The following ZFHX3 variants were observed in gnomAD, a reference collection of about 807,000 sequenced individuals.
ZFHX3 encodes the protein zinc finger homeobox protein 3.
Under a neutral mutation model 279.1 loss-of-function variants are expected in ZFHX3, and 42 were observed. The ratio of observed to expected loss-of-function variants is 0.15; its 90% CI spans 0.12 to 0.19. ZFHX3 has a LOEUF of 0.19. Ranked by LOEUF, ZFHX3 falls within the 10% of genes least tolerant of loss-of-function variation. ZFHX3 has a pLI of 1.00. For synonymous variants in ZFHX3, 2,293 were observed against 1,957.8 expected (o/e 1.17, Z -4.52); for missense variants, 4,981 against 4,754.0 (o/e 1.05, Z -1.40).
At chr16:73,546,628 T>C (rs2020112380) in intron 2 of ZFHX3, among the ~76,000 whole-genome samples, 1 of 151,830 alleles carries the variant, frequency 6.6e-6, no homozygotes, top group African/African-American at 2.4e-5. Context: ...GGAAGGGTCC[T>C]CGCTTTAAGC....
rs551031272 is a variant in ZFHX3, at chr16:73,545,546, G to A, written c.-1546-89288C>T. 7.2e-5 allele frequency among the ~76,000 whole-genome samples: 11 copies of A among 152,132 alleles called. No homozygotes were observed. In the South Asian group the frequency reaches 1.2e-3, roughly 17 times the overall value. Reference sequence around the variant, plus strand: ...CATGCAAAAGGATAATTTATTGGCCGCACAGCCTCTGAAGTTGAATTTTTA... The same window carrying A: ...CATGCAAAAGGATAATTTATTGGCCACACAGCCTCTGAAGTTGAATTTTTA... On this transcript the variant is annotated intron_variant, in intron 2 of 17. Transcript: ENST00000641206.
At chr16:73,568,750 G>A (rs1020053273) in intron 2 of ZFHX3, among the ~76,000 whole-genome samples, 5 of 152,268 alleles carry the variant, frequency 3.3e-5, no homozygotes, top group Non-Finnish European at 7.4e-5. Flanking sequence ...TGGCTTCAGA[G>A]CTTCCGGGGT....
intron 3 of ZFHX3, among the ~76,000 whole-genome samples, chr16:73,341,174 C>G (rs2016026056): frequency 6.6e-6 from 1 of 152,010 alleles, no homozygotes; most frequent in Admixed American, 6.6e-5. Context: ...AACCCAGTCT[C>G]TACTAAAAAT....
chr16:73,212,591 C>T (rs189263231), intron 5 of ZFHX3, among the ~76,000 whole-genome samples: 151 of 152,326 alleles, frequency 9.9e-4, no homozygotes, highest in African/African-American at 3.4e-3. Flanking sequence ...AATGGTCACA[C>T]GTGTGTGGAG....
chr16:73,383,480 G>GA (rs1378977207), intron 3 of ZFHX3, among the ~76,000 whole-genome samples: 1 of 152,204 alleles, frequency 6.6e-6, no homozygotes, highest in East Asian at 1.9e-4. Flanking sequence ...GGAGAAAAAT[G>GA]AAAGAACGCA....
intron 5 of ZFHX3, among the ~76,000 whole-genome samples, chr16:73,248,310 T>A (rs769037602): frequency 2.0e-5 from 3 of 151,948 alleles, no homozygotes; most frequent in Non-Finnish European, 4.4e-5. Flanking sequence ...GATATGTGTG[T>A]GTGTATAAGG....
At chr16:73,218,076 G>A (rs535320364) in intron 5 of ZFHX3, among the ~76,000 whole-genome samples, 1 of 151,966 alleles carries the variant, frequency 6.6e-6, no homozygotes, top group Non-Finnish European at 1.5e-5. Context: ...AAACCTAACG[G>A]GCCTTCAGTG....
At chr16:73,217,845 T>C (rs1468386367) in intron 5 of ZFHX3, among the ~76,000 whole-genome samples, 2 of 151,980 alleles carry the variant, frequency 1.3e-5, no homozygotes, top group Non-Finnish European at 2.9e-5. Flanking sequence ...TCCAGACTTC[T>C]CTTTGCACAC....
In ZFHX3 at chr16:73,782,565, TGTA is replaced by T. The variant is rs543725081; in HGVS notation, c.-1607-102328_-1607-102326del. On this transcript the variant is annotated intron_variant, in intron 1 of 17. Coordinates refer to the ZFHX3 transcript ENST00000641206. Reference sequence around the variant, plus strand: ...AGAACATGAATATCCTTGAGTGAAGTGTAGTAGAAGCATGGGCTGCCCACTGAT... The same window carrying T: ...AGAACATGAATATCCTTGAGTGAAGTGTAGAAGCATGGGCTGCCCACTGAT... Among the ~76,000 whole-genome samples the T allele has an allele frequency of 6.2e-4, 95 of 152,252 alleles. 1 individual carries two copies. Among genetic ancestry groups the T allele is most frequent in the African/African-American group, 2.3e-3 (94 of 41,554 alleles).
Position 73,382,964 on chromosome 16 carries a change from G to C in ZFHX3, c.-1290-64628C>G, listed in dbSNP as rs563633715. On this transcript the variant is annotated intron_variant, in intron 3 of 17. Transcript: ENST00000641206. Reference sequence around the variant, plus strand: ...AGACCTGTTGCAGTCTGAAGGAACCGGTGAATTCTTAGTTAAATGAGGCAG... The same window carrying C: ...AGACCTGTTGCAGTCTGAAGGAACCCGTGAATTCTTAGTTAAATGAGGCAG... 9.9e-5 allele frequency among the ~76,000 whole-genome samples: 15 copies of C among 152,258 alleles called. No homozygotes were observed. In the South Asian group the frequency reaches 1.5e-3, roughly 15 times the overall value.
chr16:73,833,382 T>C (rs11861363), intron 1 of ZFHX3, among the ~76,000 whole-genome samples: 2,789 of 152,266 alleles, frequency 0.018, 95 homozygotes, highest in African/African-American at 0.063. Context: ...GAATAAGTTA[T>C]CAATTCCTTG....
chr16:73,545,203 A>G (rs1596990203), intron 2 of ZFHX3, among the ~76,000 whole-genome samples: 1 of 152,126 alleles, frequency 6.6e-6, no homozygotes, highest in Non-Finnish European at 1.5e-5. Context: ...GACCCCCATA[A>G]TGACATCCAG....
intron 1 of ZFHX3, among the ~76,000 whole-genome samples, chr16:73,814,344 C>T (rs1385342377): frequency 6.6e-6 from 1 of 151,898 alleles, no homozygotes; most frequent in South Asian, 2.1e-4. Context: ...AAAATTAAAA[C>T]AAAACAAGAC....
intron 2 of ZFHX3, among the ~76,000 whole-genome samples, chr16:73,543,508 T>C (rs532625740): frequency 1.4e-4 from 21 of 152,102 alleles, no homozygotes; most frequent in Admixed American, 3.9e-4. Context: ...TAGAAACCCC[T>C]GGTAATTAGC....
chr16:73,690,612 AC>A (rs2053139010), intron 1 of ZFHX3, among the ~76,000 whole-genome samples: 1 of 152,132 alleles, frequency 6.6e-6, no homozygotes, highest in Non-Finnish European at 1.5e-5. Flanking sequence ...CTATTTCTTC[AC>A]CCCTTGAATC....
intron 5 of ZFHX3, among the ~76,000 whole-genome samples, chr16:73,149,248 A>G (rs7500209): frequency 1.3e-5 from 1 of 75,698 alleles, no homozygotes; most frequent in Non-Finnish European, 2.5e-5. Context: ...TATATTTTAT[A>G]TTATATTATA....
At chr16:73,387,614 A>G in intron 3 of ZFHX3, among the ~76,000 whole-genome samples, 1 of 152,152 alleles carries the variant, frequency 6.6e-6, no homozygotes, top group East Asian at 1.9e-4. Context: ...TCTTCCCCCC[A>G]TCTTTTTCCC....
rs557171343 is a variant in ZFHX3, at chr16:73,482,327, C to T, written c.-1546-26069G>A. ...GCCCCTTCCTAGGAACAGTGAGGTC[C>T]TATCCATTCTGATCCCACTGAAATC... is the stretch of plus-strand genomic sequence containing the variant. On this transcript the variant is annotated intron_variant, in intron 2 of 17. Transcript: ENST00000641206. 2.6e-5 allele frequency among the ~76,000 whole-genome samples: 4 copies of T among 152,296 alleles called. No individual in the cohort carries two copies. In the East Asian group the frequency reaches 7.7e-4, roughly 29 times the overall value.
intron 8 of ZFHX3, among the ~76,000 whole-genome samples, chr16:73,084,518 T>C (rs940841392): frequency 7.1e-6 from 1 of 141,624 alleles, no homozygotes; most frequent in Non-Finnish European, 1.5e-5. Flanking sequence ...GACTAAATTT[T>C]TTTTTTTTTT....
Sources: gnomAD v4.1 joint callset for allele counts (sites outside exome capture counted in the v4.1 genomes callset) on GRCh38, gnomAD v4.1.1 for gene constraint, MANE v1.5 for transcripts, NCBI Gene and HGNC (gene_info 2026-07-23, HGNC 2026-07-21) for gene names.